Variants in ADGRB3 observed in about 807,000 individuals in gnomAD.
ADGRB3 encodes the protein brain-specific angiogenesis inhibitor 3.
In ADGRB3, 37 loss-of-function variants were observed where a neutral mutation model predicts 193.4. The observed-to-expected ratio is 0.19, with a 90% CI of 0.15 to 0.25. The LOEUF is 0.25. Among genes scored for constraint, ADGRB3 ranks in the 10% least tolerant of loss-of-function variants. The pLI is 1.00. For missense variants in ADGRB3, 1,637 were observed against 1,852.9 expected (o/e 0.88, Z 2.14); for synonymous variants, 690 against 644.2 (o/e 1.07, Z -1.08).
At position 69,062,967 on chromosome 6, in the gene ADGRB3, G is replaced by A; in HGVS notation, c.2367G>A (p.Val789=). 6.2e-7 allele frequency: 1 copy of A among 1,611,704 alleles called. No individual in the cohort carries two copies. The highest frequency in any genetic ancestry group is 1.1e-5 in the South Asian group (1 of 90,948). Residue 789 remains valine, a synonymous_variant, in exon 16 of 32, where the codon GTG becomes GTA. Coordinates refer to ENST00000370598, the MANE Select transcript of ADGRB3 (RefSeq NM_001704.3). ...CTGTCATTAATTCCAAAATCATCGTGGTCACAATAAGGCCTGAACCCAAAA... is the reference window on the plus strand; with the variant it reads ...CTGTCATTAATTCCAAAATCATCGTAGTCACAATAAGGCCTGAACCCAAAA... ...NYTVINSKII[V]VTIRPEPKTT...
chr6:69,062,278 A>G (rs1269479439), intron 15 of ADGRB3, among the ~76,000 whole-genome samples: 2 of 151,938 alleles, frequency 1.3e-5, no homozygotes, highest in African/African-American at 2.4e-5. Context: ...AACTATAGAT[A>G]TGATTTTCTT....
intron 11 of ADGRB3, among the ~76,000 whole-genome samples, chr6:69,001,937 A>G (rs560643771): frequency 2.1e-4 from 32 of 152,246 alleles, no homozygotes; most frequent in African/African-American, 7.5e-4. Context: ...GTAATAATAC[A>G]CTCTGGTATT....
chr6:69,320,636 C>G (rs896969886), intron 20 of ADGRB3, among the ~76,000 whole-genome samples: 1 of 151,644 alleles, frequency 6.6e-6, no homozygotes, highest in Non-Finnish European at 1.5e-5. Context: ...GTTACTTTCT[C>G]TTAGAATGTT....
At chr6:68,950,005 G>A (rs1289998505) in intron 6 of ADGRB3, among the ~76,000 whole-genome samples, 5 of 151,898 alleles carry the variant, frequency 3.3e-5, no homozygotes, top group Non-Finnish European at 7.4e-5. Flanking sequence ...AGTATAAAAT[G>A]GCAAATGGAA....
intron 30 of ADGRB3, among the ~76,000 whole-genome samples, chr6:69,373,056 G>A (rs1488744181): frequency 2.6e-5 from 4 of 151,770 alleles, no homozygotes; most frequent in South Asian, 2.1e-4. Flanking sequence ...ATGTTTACTC[G>A]AAATTACTGA....
chr6:68,768,275 A>G (rs1463205507), intron 3 of ADGRB3, among the ~76,000 whole-genome samples: 1 of 152,164 alleles, frequency 6.6e-6, no homozygotes. Context: ...GCATCACGCA[A>G]CCTGACTTCA....
At chr6:69,055,325 C>A (rs1771512954) in intron 15 of ADGRB3, among the ~76,000 whole-genome samples, 1 of 152,156 alleles carries the variant, frequency 6.6e-6, no homozygotes, top group Non-Finnish European at 1.5e-5. Flanking sequence ...AACTATCATT[C>A]TATTTTCTGA....
At chr6:68,861,405 C>T (rs1260217612) in intron 3 of ADGRB3, among the ~76,000 whole-genome samples, 1 of 151,792 alleles carries the variant, frequency 6.6e-6, no homozygotes, top group East Asian at 1.9e-4. Context: ...ACTAAAAATA[C>T]AAAAAAATTA....
At chr6:69,031,545 C>CT (rs1275891662) in intron 13 of ADGRB3, among the ~76,000 whole-genome samples, 1 of 60,910 alleles carries the variant, frequency 1.6e-5, no homozygotes, top group Admixed American at 2.8e-4. Context: ...TTCTTTCTTT[C>CT]TTTCTTTTTC....
chr6:69,054,377 G>A (rs538825311), intron 15 of ADGRB3, among the ~76,000 whole-genome samples: 2 of 152,194 alleles, frequency 1.3e-5, no homozygotes, highest in East Asian at 1.9e-4. Context: ...GGAAATAATA[G>A]AAAATTGAAG....
chr6:68,717,358 C>G (rs928006532), intron 3 of ADGRB3, among the ~76,000 whole-genome samples: 4 of 151,564 alleles, frequency 2.6e-5, no homozygotes, highest in African/African-American at 7.3e-5. Context: ...TCAATAAAAG[C>G]CTTGGCATTA....
At chr6:69,011,796 T>G (rs1769945541) in intron 11 of ADGRB3, among the ~76,000 whole-genome samples, 1 of 152,058 alleles carries the variant, frequency 6.6e-6, no homozygotes, top group Admixed American at 6.6e-5. Flanking sequence ...AGTCTCACCA[T>G]AAATGCTGCC....
At chr6:69,035,236 A>G (rs187182970) in intron 13 of ADGRB3, among the ~76,000 whole-genome samples, 83 of 152,218 alleles carry the variant, frequency 5.5e-4, no homozygotes, top group Admixed American at 4.1e-3. Flanking sequence ...TTAAATGCTT[A>G]GTAAATGGTG....
At chr6:69,090,042 T>A (rs1772662351) in intron 17 of ADGRB3, among the ~76,000 whole-genome samples, 1 of 152,202 alleles carries the variant, frequency 6.6e-6, no homozygotes, top group Non-Finnish European at 1.5e-5. Flanking sequence ...TTTTATTTTG[T>A]TTTTTAGCAA....
intron 20 of ADGRB3, among the ~76,000 whole-genome samples, chr6:69,304,364 C>A (rs1172272323): frequency 6.6e-6 from 1 of 151,532 alleles, no homozygotes; most frequent in Non-Finnish European, 1.5e-5. Context: ...GTCCCTGATT[C>A]TAGGACTTTG....
At chr6:69,325,054 T>C (rs917582959) in intron 21 of ADGRB3, 32 bp downstream of exon 21, 1 of 1,593,704 alleles carries the variant, frequency 6.3e-7, no homozygotes. Flanking sequence ...TTCATGCTCT[T>C]CTCAAAATGA....
chr6:69,214,315 G>A (rs1014108212), intron 17 of ADGRB3, among the ~76,000 whole-genome samples: 5 of 152,096 alleles, frequency 3.3e-5, no homozygotes, highest in South Asian at 2.1e-4. Flanking sequence ...ACTATATGAG[G>A]TACCTGATAT....
chr6:69,174,410 C>G (rs1179926499), intron 17 of ADGRB3, among the ~76,000 whole-genome samples: 2 of 152,168 alleles, frequency 1.3e-5, no homozygotes, highest in African/African-American at 4.8e-5. Context: ...GCTACATTCA[C>G]GTTGCTGCAA....
chr6:69,331,620 G>A, intron 23 of ADGRB3: 1 of 985,332 alleles, frequency 1.0e-6, no homozygotes, highest in Non-Finnish European at 1.2e-6. Context: ...AAGAATCTTA[G>A]TGCAAAGGGA....
Sources: allele counts gnomAD v4.1 joint callset (sites outside exome capture counted in the v4.1 genomes callset), GRCh38; gene constraint gnomAD v4.1.1; transcripts MANE v1.5; gene names NCBI Gene and HGNC (gene_info 2026-07-23, HGNC 2026-07-21).